The following SHPK variants were observed in gnomAD, a reference collection of about 807,000 sequenced individuals.
SHPK encodes the protein carbohydrate kinase-like protein.
SHPK carries 51 observed loss-of-function variants against 46.3 expected under a neutral mutation model. That is an observed-to-expected ratio of 1.10 (90% CI 0.88 to 1.39). SHPK has a LOEUF of 1.39. Ranked by LOEUF, SHPK falls within the 40% of genes most tolerant of loss-of-function variation. SHPK has a pLI of 0.00. For missense variants in SHPK, 668 were observed against 641.3 expected (o/e 1.04, Z -0.45); for synonymous variants, 290 against 273.9 (o/e 1.06, Z -0.58).
intron 6 of SHPK, among the ~76,000 whole-genome samples, chr17:3,613,730 C>CT (rs957261370): frequency 4.3e-4 from 64 of 147,954 alleles, no homozygotes; most frequent in South Asian, 2.6e-3. Context: ...AAAAAGTTTT[C>CT]TTTTTTTTTT....
chr17:3,636,124 G>A lies in SHPK; in HGVS notation c.96C>T (p.Phe32=). The part of the protein sequence containing the change: ...LRAAPDDPSG[F]AVLASCARAA... ...CACGGGCACAGCTCGCCAGCACTGC[G>A]AACCCGGATGGGTCGTCGGGCGCGG... Residue 32 remains phenylalanine, a synonymous_variant, in exon 1 of 7, where the codon TTC becomes TTT. Transcript: ENST00000225519. The A allele has an allele frequency of 1.2e-6, 2 of 1,610,576 alleles. No homozygotes were observed. Among genetic ancestry groups the A allele is most frequent in the Non-Finnish European group, 8.5e-7 (1 of 1,178,560 alleles).
At chr17:3,611,885 C>A (rs981387104) in intron 6 of SHPK, among the ~76,000 whole-genome samples, 1 of 146,232 alleles carries the variant, frequency 6.8e-6, no homozygotes, top group Non-Finnish European at 1.5e-5. Context: ...CTCACTATAA[C>A]CTCTGCCTCC....
At position 3,608,839 on chromosome 17, in the gene SHPK, T is replaced by A. The variant is rs887650892; in HGVS notation, c.*1721A>T. ...TCTGCGGCTGTGCCATTGCACAGTC[T>A]TCCCACAGCAGAGAGGTGTGTTTTA... On this transcript the variant is annotated 3_prime_UTR_variant, in exon 7 of 7. Transcript: ENST00000225519. 1 of 152,198 alleles carries A rather than the reference T, an allele frequency of 6.6e-6. No individual in the cohort carries two copies. 9.4% of individuals were successfully genotyped at this position (152,198 alleles called of 1,614,324 possible). A position where few individuals can be genotyped will look rare whatever the true frequency, so the allele number is the denominator to read the frequency against.
chr17:3,609,500 A>C lies in SHPK; in HGVS notation c.*1060T>G, dbSNP rs891428752. On this transcript the variant is annotated 3_prime_UTR_variant, in exon 7 of 7. Transcript: ENST00000225519. The stretch of plus-strand genomic sequence containing the variant: ...ACAGCCATCCCTACCAATCACAAGA[A>C]GGCTTACAACGCTCTGGGATCCCTA... The C allele has an allele frequency of 1.3e-5, 2 of 152,126 alleles. No homozygotes were observed. The highest frequency in any genetic ancestry group is 2.4e-5 in the African/African-American group (1 of 41,424). 9.4% of individuals were successfully genotyped at this position (152,126 alleles called of 1,614,324 possible).
chr17:3,631,536 T>TTTC (rs2075472068), intron 1 of SHPK, among the ~76,000 whole-genome samples: 1 of 140,746 alleles, frequency 7.1e-6, no homozygotes, highest in African/African-American at 2.7e-5. Context: ...TTTTTTTTTT[T>TTTC]TTTAGCGATA....
chr17:3,615,850 ATTTTT>A (rs201449504), intron 5 of SHPK, among the ~76,000 whole-genome samples: 3,519 of 107,600 alleles, frequency 0.033, 194 homozygotes, highest in Non-Finnish European at 0.047. Context: ...GATCAAAGGA[ATTTTT>A]TTTTTTTTTT....
In SHPK at chr17:3,630,325, T is replaced by C; in HGVS notation, c.190A>G (p.Arg64Gly). 6.2e-7 allele frequency: 1 copy of C among 1,612,456 alleles called. No homozygotes were observed. The highest frequency in any genetic ancestry group is 8.5e-7 in the Non-Finnish European group (1 of 1,179,382). Residue 64 changes from arginine (R) to glycine (G), a missense_variant, in exon 2 of 7, where the codon AGA becomes GGA. Arg to Gly is a moderately radical substitution (Grantham distance 125). Transcript: ENST00000225519. ...CACTCGTGTAGGGCTTGGAGGATTC[T>C]ACTCACATCCTGCTCCCGCCCCTGG... ...GPQGREQDVS[R>G]ILQALHECLA...
intron 6 of SHPK, among the ~76,000 whole-genome samples, chr17:3,615,071 G>C (rs1447520752): frequency 6.6e-6 from 1 of 152,112 alleles, no homozygotes; most frequent in Non-Finnish European, 1.5e-5. Flanking sequence ...GGAAAGCTGG[G>C]GAGACTGTTA....
chr17:3,630,470 G>T, intron 1 of SHPK, 124 bp from the exon 2 acceptor site: 1 of 993,788 alleles, frequency 1.0e-6, no homozygotes, highest in Non-Finnish European at 1.4e-6. Flanking sequence ...CTTCACAGTT[G>T]AGGCACTGCT....
At chr17:3,629,789 C>T (rs573712578) in intron 2 of SHPK, among the ~76,000 whole-genome samples, 17 of 149,888 alleles carry the variant, frequency 1.1e-4, no homozygotes, top group African/African-American at 2.5e-4. Flanking sequence ...ATGTAAACAA[C>T]GACAAATGTG....
chr17:3,635,828 G>A (rs1041022255), intron 1 of SHPK, among the ~76,000 whole-genome samples: 10 of 152,178 alleles, frequency 6.6e-5, no homozygotes, highest in African/African-American at 2.4e-4. Context: ...GAGAGTCGGG[G>A]AGGGGGCGGG....
rs1439219804 is a variant in SHPK, at chr17:3,608,695, A to G, written c.*1865T>C. On this transcript the variant is annotated 3_prime_UTR_variant, in exon 7 of 7. Transcript: ENST00000225519. The stretch of plus-strand genomic sequence containing the variant: ...GTGACACCGTGGATAAGGGGGGACT[A>G]CTGTGGACAGCTTTCCTGGGTGATT... 6.6e-6 allele frequency: 1 copy of G among 152,164 alleles called. No individual in the cohort carries two copies. Among genetic ancestry groups the G allele is most frequent in the Non-Finnish European group, 1.5e-5 (1 of 68,022 alleles). 9.4% of individuals were successfully genotyped at this position (152,164 alleles called of 1,614,324 possible). A position where few individuals can be genotyped will look rare whatever the true frequency, so the allele number is the denominator to read the frequency against.
At chr17:3,626,893 C>G (rs1194380384) in intron 2 of SHPK, among the ~76,000 whole-genome samples, 1 of 145,490 alleles carries the variant, frequency 6.9e-6, no homozygotes, top group Non-Finnish European at 1.5e-5. Context: ...AAGACTCCAT[C>G]TCAAAAAAAA....
At chr17:3,623,212 A>C (rs1193473775) in intron 4 of SHPK, 127 bp downstream of exon 4, 10 of 1,030,224 alleles carry the variant, frequency 9.7e-6, no homozygotes, top group Non-Finnish European at 1.5e-5. Flanking sequence ...GGGGCACTGG[A>C]CCCTGATCCT....
At chr17:3,619,857 G>A (rs1183843405) in intron 5 of SHPK, 3 of 325,456 alleles carry the variant, frequency 9.2e-6, no homozygotes, top group Non-Finnish European at 1.8e-5. Flanking sequence ...CTGTCTACCT[G>A]TGAGCACCTG....
intron 5 of SHPK, chr17:3,619,805 C>A (rs752085047): frequency 6.5e-6 from 3 of 459,308 alleles, no homozygotes; most frequent in Non-Finnish European, 1.3e-5. Flanking sequence ...TCTGACCATC[C>A]TGCTGCTTTA....
chr17:3,627,651 G>C (rs149315466), intron 2 of SHPK, among the ~76,000 whole-genome samples: 1,973 of 151,710 alleles, frequency 0.013, 25 homozygotes, highest in Middle Eastern at 0.027. Context: ...ATCCCAGAAG[G>C]CATGTGGGCT....
rs2075332553 is a variant in SHPK at position 3,610,691 on chromosome 17, T to C, written c.1306A>G (p.Arg436Gly). ...RVMGSGSALS[R>G]NDVLKQEVQR... Reference sequence around the variant, plus strand: ...ACCTCCTGCTTCAGCACGTCATTCCTGGACAGCGCACTCCCACTGCCCATC... The same window carrying C: ...ACCTCCTGCTTCAGCACGTCATTCCCGGACAGCGCACTCCCACTGCCCATC... Residue 436 changes from arginine (R) to glycine (G), a missense_variant, in exon 7 of 7, where the codon AGG (arginine) becomes GGG (glycine). Arg to Gly is a moderately radical substitution (Grantham distance 125). Coordinates refer to ENST00000225519, the MANE Select transcript of SHPK (RefSeq NM_013276.4). The C allele has an allele frequency of 6.2e-7, 1 of 1,614,144 alleles. No homozygotes were observed. Among genetic ancestry groups the C allele is most frequent in the Non-Finnish European group, 8.5e-7 (1 of 1,180,028 alleles).
intron 6 of SHPK, among the ~76,000 whole-genome samples, chr17:3,615,048 C>G (rs770542846): frequency 7.9e-5 from 12 of 151,206 alleles, no homozygotes; most frequent in Non-Finnish European, 2.9e-5. Context: ...AAAGAGGGAG[C>G]AGGGAGGGCG....
Sources: gnomAD v4.1 joint callset for allele counts (sites outside exome capture counted in the v4.1 genomes callset) on GRCh38, gnomAD v4.1.1 for gene constraint, MANE v1.5 for transcripts, NCBI Gene and HGNC (gene_info 2026-07-23, HGNC 2026-07-21) for gene names.